Variants in BNC2 observed in about 807,000 individuals in gnomAD.
The protein encoded by BNC2 is basonuclin zinc finger protein 2, also known as zinc finger protein basonuclin-2.
A neutral mutation model predicts 76.3 loss-of-function variants in BNC2; 20 were observed. The ratio of observed to expected loss-of-function variants is 0.26; its 90% CI spans 0.18 to 0.38. BNC2 has a LOEUF of 0.38. BNC2 is among the 10% of genes least tolerant of loss of function. The pLI, the probability that BNC2 is intolerant of heterozygous loss-of-function variation, is 1.00. For synonymous variants in BNC2, 582 were observed against 514.8 expected (o/e 1.13, Z -1.77); for missense variants, 1,382 against 1,399.8 (o/e 0.99, Z 0.20).
intron 5 of BNC2, among the ~76,000 whole-genome samples, chr9:16,469,419 C>T (rs896639735): frequency 1.3e-5 from 2 of 152,184 alleles, no homozygotes; most frequent in Admixed American, 6.5e-5. Context: ...TTGCTTCTTC[C>T]TCATTTTTTC....
At chr9:16,447,390 A>G (rs1017259344) in intron 5 of BNC2, among the ~76,000 whole-genome samples, 2 of 152,170 alleles carry the variant, frequency 1.3e-5, no homozygotes, top group African/African-American at 2.4e-5. Flanking sequence ...CAGCTTTACA[A>G]TTCTATTATT....
intron 3 of BNC2, among the ~76,000 whole-genome samples, chr9:16,686,235 CTAA>C (rs1398720360): frequency 6.6e-6 from 1 of 151,862 alleles, no homozygotes; most frequent in Non-Finnish European, 1.5e-5. Context: ...TGTATCTGTC[CTAA>C]TAATAAAAAA....
Position 16,583,072 on chromosome 9 carries a change from G to A in BNC2, c.344C>T (p.Thr115Ile), listed in dbSNP as rs766731850. The A allele has an allele frequency of 3.7e-6, 6 of 1,613,946 alleles. No homozygotes were observed. The highest frequency in any genetic ancestry group is 1.7e-5 in the Admixed American group (1 of 60,014). The change falls in exon 4 of 7, where the codon ACA becomes ATA. Residue 115 changes from threonine (T) to isoleucine (I), a missense_variant. Thr to Ile is a moderately conservative substitution (Grantham distance 89). Around this residue, in one of 3 missense-constraint regions of BNC2, gnomAD observed 557 missense variants for 540.9 expected, o/e 1.03. Transcript: ENST00000380672. ...ACATTCACATGTGCAGTTTACCAGT[G>A]TGCAACGGATGGCCTGAAAAATAAA... ...FRMSQQAIRC[T>I]LVNCTCECFQ... is the part of the protein sequence containing the mutation.
intron 5 of BNC2, among the ~76,000 whole-genome samples, chr9:16,450,773 C>T (rs1244119556): frequency 6.6e-6 from 1 of 152,204 alleles, no homozygotes; most frequent in Non-Finnish European, 1.5e-5. Context: ...AGTTGACAGG[C>T]CTTGCCCAGG....
chr9:16,674,488 T>C (rs1284991535), intron 3 of BNC2, among the ~76,000 whole-genome samples: 1 of 152,198 alleles, frequency 6.6e-6, no homozygotes, highest in African/African-American at 2.4e-5. Context: ...TTAGTCATTT[T>C]ACAACTCGCA....
chr9:16,642,693 A>G lies in BNC2; in HGVS notation c.331-59608T>C, dbSNP rs115046374. Among the ~76,000 whole-genome samples, 1,195 of 152,322 alleles carry G rather than the reference A, an allele frequency of 7.8e-3. 16 individuals are homozygous for G. Among genetic ancestry groups the G allele is most frequent in the African/African-American group, 0.027 (1,117 of 41,568 alleles). On this transcript the variant is annotated intron_variant, in intron 3 of 6. Transcript: ENST00000380672. ...CAAGAATCAAGGAAGAAAAACAGTG[A>G]GTGCCTTGGGGCCACATTTTTTGTT...
At chr9:16,783,899 T>G (rs1826214240) in intron 1 of BNC2, among the ~76,000 whole-genome samples, 1 of 152,226 alleles carries the variant, frequency 6.6e-6, no homozygotes. Context: ...TTTAAAATTC[T>G]TTTATATTTT....
Position 16,727,982 on chromosome 9 carries a change from CT to C in BNC2, c.144del (p.Val49TrpfsTer3), listed in dbSNP as rs759285984. On this transcript the variant is annotated frameshift_variant, in exon 3 of 7. Transcript: ENST00000380672. LOFTEE classifies it high-confidence loss of function. ...DTSQIESEEA[E>X]VDVRERETQR... ...TGTGTCTCTCTTTCTCTCACATCCA[CT>C]TCTGCCTCTTCTGACTGAAAAGTGA... The C allele has an allele frequency of 1.1e-5, 18 of 1,613,628 alleles. No individual in the cohort carries two copies. Among genetic ancestry groups the C allele is most frequent in the Non-Finnish European group, 1.5e-5 (18 of 1,180,014 alleles).
intron 3 of BNC2, among the ~76,000 whole-genome samples, chr9:16,596,325 C>A (rs1247369816): frequency 6.6e-6 from 1 of 151,964 alleles, no homozygotes; most frequent in Non-Finnish European, 1.5e-5. Context: ...ATCCAAGGGG[C>A]TTTTTATGTT....
chr9:16,458,606 C>G (rs1821506270), intron 5 of BNC2, among the ~76,000 whole-genome samples: 1 of 152,152 alleles, frequency 6.6e-6, no homozygotes, highest in Admixed American at 6.5e-5. Flanking sequence ...AAACAATCCG[C>G]CAACTACATG....
intron 1 of BNC2, among the ~76,000 whole-genome samples, chr9:16,835,569 C>T (rs928437851): frequency 2.0e-5 from 3 of 152,080 alleles, no homozygotes; most frequent in African/African-American, 7.3e-5. Flanking sequence ...GGCATGGTGG[C>T]ACATGCCTTT....
chr9:16,660,474 A>G (rs985638040), intron 3 of BNC2, among the ~76,000 whole-genome samples: 1 of 151,796 alleles, frequency 6.6e-6, no homozygotes, highest in East Asian at 1.9e-4. Context: ...AAAAAAATAC[A>G]TACCACTTTG....
chr9:16,726,919 G>A (rs1288269200), intron 3 of BNC2: 4 of 152,288 alleles, frequency 2.6e-5, no homozygotes, highest in Non-Finnish European at 5.9e-5. Flanking sequence ...TGTGCAAGAG[G>A]AGACCGGCGC....
At chr9:16,568,805 T>C (rs895767919) in intron 4 of BNC2, among the ~76,000 whole-genome samples, 1 of 152,196 alleles carries the variant, frequency 6.6e-6, no homozygotes, top group Non-Finnish European at 1.5e-5. Flanking sequence ...ACAATTGTGA[T>C]TAAGAGAAAA....
chr9:16,861,772 G>T lies in BNC2; in HGVS notation c.3+8874C>A, dbSNP rs573269308. Among the ~76,000 whole-genome samples the T allele has an allele frequency of 8.5e-5, 13 of 152,250 alleles. No homozygotes were observed. In the East Asian group the frequency reaches 2.3e-3, roughly 27 times the overall value. On this transcript the variant is annotated intron_variant, in intron 1 of 6. Transcript: ENST00000380672. ...TGGGAGGCCGAGGCGGGAGGATGACGAGGTCAGGAGATCGAGACCATCCTG... is the reference window on the plus strand; with the variant it reads ...TGGGAGGCCGAGGCGGGAGGATGACTAGGTCAGGAGATCGAGACCATCCTG...
At chr9:16,429,858 GC>G in intron 6 of BNC2, 1 of 465,130 alleles carries the variant, frequency 2.1e-6, no homozygotes, top group South Asian at 1.5e-5. Context: ...TGAAAGGTCA[GC>G]AGAGGCTTAA....
intron 6 of BNC2, among the ~76,000 whole-genome samples, chr9:16,434,348 A>C (rs1166088514): frequency 6.6e-6 from 1 of 151,972 alleles, no homozygotes; most frequent in Non-Finnish European, 1.5e-5. Context: ...ACTTTGCCAA[A>C]GAACTCTACA....
intron 5 of BNC2, among the ~76,000 whole-genome samples, chr9:16,468,206 C>T (rs1171357134): frequency 6.6e-6 from 1 of 151,492 alleles, no homozygotes; most frequent in African/African-American, 2.4e-5. Context: ...ATGCCTGGCC[C>T]TACACTCATT....
At chr9:16,779,319 A>T (rs1826060984) in intron 1 of BNC2, among the ~76,000 whole-genome samples, 1 of 141,572 alleles carries the variant, frequency 7.1e-6, no homozygotes, top group Non-Finnish European at 1.6e-5. Flanking sequence ...AAAAAAAAAA[A>T]GATTTTGATT....
Sources: gnomAD v4.1 joint callset for allele counts (sites outside exome capture counted in the v4.1 genomes callset) on GRCh38, gnomAD v4.1.1 for gene constraint, gnomAD v4.1.1 regional missense constraint, MANE v1.5 for transcripts, NCBI Gene and HGNC (gene_info 2026-07-23, HGNC 2026-07-21) for gene names.